The following UGT3A2 variants were observed in gnomAD, a reference collection of about 807,000 sequenced individuals.
The protein encoded by UGT3A2 is UDP glycosyltransferase family 3 member A2, also known as UDP-glycosyltransferase 3A2.
UGT3A2 carries 32 observed loss-of-function variants against 39.8 expected under a neutral mutation model. That is an observed-to-expected ratio of 0.80 (90% CI 0.61 to 1.08). UGT3A2 has a LOEUF of 1.08. UGT3A2 is among the 50% of genes least tolerant of loss of function. The probability of loss-of-function intolerance (pLI) is 0.00; values close to 1 mark genes in which losing one functional copy is unlikely to be tolerated. For missense variants in UGT3A2, 611 were observed against 637.1 expected, an observed-to-expected ratio of 0.96 and a Z score of 0.44; for synonymous variants, 241 against 230.7, an observed-to-expected ratio of 1.04 and a Z score of -0.40.
Position 36,053,438 on chromosome 5 carries a change from C to T in UGT3A2, c.197-1454G>A, listed in dbSNP as rs1742410600. On this transcript the variant is annotated intron_variant, in intron 2 of 6. Transcript: ENST00000282507. ...TTTATAAATTTTACTTAGGTCCACT[C>T]ATGTTTATTACTTGAAAATCAGCCC... 5.3e-5 allele frequency among the ~76,000 whole-genome samples: 8 copies of T among 152,282 alleles called. No homozygotes were observed. In the South Asian group the frequency reaches 1.7e-3, roughly 32 times the overall value.
chr5:36,036,793 A>G (rs892553456), intron 6 of UGT3A2, among the ~76,000 whole-genome samples: 1 of 152,200 alleles, frequency 6.6e-6, no homozygotes, highest in African/African-American at 2.4e-5. Flanking sequence ...AGTGTCTCCT[A>G]GTACATGTTA....
intron 2 of UGT3A2, among the ~76,000 whole-genome samples, chr5:36,055,137 C>T (rs1455055097): frequency 6.6e-6 from 1 of 150,906 alleles, no homozygotes; most frequent in Non-Finnish European, 1.5e-5. Flanking sequence ...AAGACTTCAT[C>T]TCAAAAAAAA....
intron 2 of UGT3A2, among the ~76,000 whole-genome samples, chr5:36,054,205 A>G (rs1742435855): frequency 6.6e-6 from 1 of 152,246 alleles, no homozygotes; most frequent in African/African-American, 2.4e-5. Flanking sequence ...TGGGTAATCC[A>G]TGATAGTCTC....
At chr5:36,045,882 C>A (rs572139494) in intron 4 of UGT3A2, among the ~76,000 whole-genome samples, 1 of 151,788 alleles carries the variant, frequency 6.6e-6, no homozygotes, top group Non-Finnish European at 1.5e-5. Flanking sequence ...CTTCTTCTGA[C>A]AAAGGATTAA....
intron 4 of UGT3A2, among the ~76,000 whole-genome samples, chr5:36,043,795 G>T (rs1456353948): frequency 2.0e-5 from 3 of 152,010 alleles, no homozygotes; most frequent in Non-Finnish European, 4.4e-5. Context: ...AACTTGCCAA[G>T]ATTAATCCTT....
chr5:36,039,983 T>C (rs1741956310), intron 4 of UGT3A2, among the ~76,000 whole-genome samples: 1 of 152,132 alleles, frequency 6.6e-6, no homozygotes, highest in African/African-American at 2.4e-5. Context: ...AGGAGTTTTC[T>C]AAGGTCAGAC....
At chr5:36,063,596 T>C (rs1272034652) in intron 2 of UGT3A2, among the ~76,000 whole-genome samples, 1 of 152,192 alleles carries the variant, frequency 6.6e-6, no homozygotes, top group Non-Finnish European at 1.5e-5. Context: ...GATTCTTACA[T>C]GTAAGAAGTG....
chr5:36,066,598 T>C (rs1742885841), intron 1 of UGT3A2, 98 bp downstream of exon 1: 2 of 1,587,358 alleles, frequency 1.3e-6, no homozygotes, highest in South Asian at 2.2e-5. Context: ...GCCTGGAAAA[T>C]CACGTGGATG....
intron 2 of UGT3A2, among the ~76,000 whole-genome samples, chr5:36,061,949 TG>T (rs1742718722): frequency 1.4e-5 from 2 of 140,046 alleles, no homozygotes; most frequent in African/African-American, 6.7e-5. Flanking sequence ...GGTGTGAGAT[TG>T]GTATCTCATT....
chr5:36,049,380 C>G lies in UGT3A2; in HGVS notation c.352G>C (p.Ala118Pro). 1 of 1,593,280 alleles carries G rather than the reference C, an allele frequency of 6.3e-7. No individual in the cohort carries two copies. Among genetic ancestry groups the G allele is most frequent in the East Asian group, 2.2e-5 (1 of 44,768 alleles). ...ENLLNVLEYL[A>P]LQCSHFLNRK... ...TTTAAAAAATGACTGCACTGCAACG[C>G]CAAGTATTCTAGAACATTTAATAAG... The change falls in exon 4 of 7, where the codon GCG (alanine) becomes CCG (proline). Residue 118 changes from alanine to proline, a missense_variant. Physicochemically the swap from Ala to Pro is conservative, Grantham distance 27. Transcript: ENST00000282507.
intron 1 of UGT3A2, among the ~76,000 whole-genome samples, chr5:36,065,409 C>T (rs1332496296): frequency 6.6e-6 from 1 of 152,090 alleles, no homozygotes; most frequent in African/African-American, 2.4e-5. Context: ...GAAGGGGTCC[C>T]CACAGAAACA....
rs552392225 is a variant in UGT3A2, at chr5:36,046,376, A to G, written c.843+2513T>C. The stretch of plus-strand genomic sequence containing the variant: ...AATCAATCTAAATTTCCAACATCAG[A>G]TGAATGGATAAGGAAAATATAGTAT... On this transcript the variant is annotated intron_variant, in intron 4 of 6. Transcript: ENST00000282507. Among the ~76,000 whole-genome samples the G allele has an allele frequency of 2.0e-5, 3 of 152,350 alleles. No homozygotes were observed. In the East Asian group the frequency reaches 5.8e-4, roughly 29 times the overall value.
rs775423430 is a variant in UGT3A2, at chr5:36,049,416, T to C, written c.316A>G (p.Lys106Glu). Residue 106 changes from lysine to glutamate, a missense_variant, in exon 4 of 7, where the codon AAA becomes GAA. By Grantham distance (56) the Lys-to-Glu change is moderately conservative. Coordinates refer to ENST00000282507, the MANE Select transcript of UGT3A2 (RefSeq NM_174914.4). The part of the protein sequence containing the change: ...FLEETLGGRG[K>E]FENLLNVLEY... ...AGAACATTTAATAAGTTTTCAAATTTTCCTCTGTAAGAAAAAAATGATAAT... is the reference window on the plus strand; with the variant it reads ...AGAACATTTAATAAGTTTTCAAATTCTCCTCTGTAAGAAAAAAATGATAAT... The C allele has an allele frequency of 1.9e-6, 3 of 1,548,802 alleles. No individual in the cohort carries two copies. Among genetic ancestry groups the C allele is most frequent in the African/African-American group, 1.4e-5 (1 of 72,072 alleles).
intron 2 of UGT3A2, 113 bp from the exon 3 acceptor site, chr5:36,052,097 T>G: frequency 1.5e-6 from 1 of 669,758 alleles, no homozygotes; most frequent in Non-Finnish European, 2.4e-6. Flanking sequence ...TTTGAATGAT[T>G]GCTTCAAGTA....
intron 1 of UGT3A2, among the ~76,000 whole-genome samples, chr5:36,065,214 G>A (rs1428926109): frequency 1.3e-5 from 2 of 152,040 alleles, no homozygotes; most frequent in Non-Finnish European, 1.5e-5. Flanking sequence ...TAATGTAATA[G>A]TAAATACCAA....
chr5:36,066,447 GGGC>G (rs916942678), intron 1 of UGT3A2, among the ~76,000 whole-genome samples: 6 of 152,166 alleles, frequency 3.9e-5, no homozygotes, highest in African/African-American at 1.2e-4. Flanking sequence ...TGCGGGATGG[GGGC>G]GCGTCCTGAA....
At chr5:36,057,435 A>G (rs1174256116) in intron 2 of UGT3A2, among the ~76,000 whole-genome samples, 1 of 152,108 alleles carries the variant, frequency 6.6e-6, no homozygotes, top group African/African-American at 2.4e-5. Flanking sequence ...AACAGAAAGG[A>G]TCCACACATT....
intron 1 of UGT3A2, among the ~76,000 whole-genome samples, 174 bp downstream of exon 1, chr5:36,066,522 T>C (rs370369906): frequency 2.0e-5 from 3 of 152,136 alleles, no homozygotes; most frequent in Non-Finnish European, 2.9e-5. Flanking sequence ...ACCTCAGCAA[T>C]AGAGGCCCCT....
intron 5 of UGT3A2, 23 bp downstream of exon 5, chr5:36,039,454 G>A (rs993081769): frequency 1.2e-6 from 2 of 1,607,824 alleles, no homozygotes; most frequent in Non-Finnish European, 1.7e-6. Flanking sequence ...GGAAGGAGAG[G>A]AGCAGTCCTG....
Sources: allele counts gnomAD v4.1 joint callset (sites outside exome capture counted in the v4.1 genomes callset), GRCh38; gene constraint gnomAD v4.1.1; transcripts MANE v1.5; gene names NCBI Gene and HGNC (gene_info 2026-07-23, HGNC 2026-07-21).